The following SLC24A2 variants were observed in gnomAD, a reference collection of about 807,000 sequenced individuals.
SLC24A2 encodes the protein sodium/potassium/calcium exchanger 2.
A neutral mutation model predicts 62.0 loss-of-function variants in SLC24A2; 36 were observed. The observed-to-expected ratio is 0.58, with a 90% CI of 0.44 to 0.77. SLC24A2 has a LOEUF of 0.77. Ranked by LOEUF, SLC24A2 falls within the 30% of genes least tolerant of loss-of-function variation. The pLI is 0.00. For missense variants in SLC24A2, 846 were observed against 817.9 expected (o/e 1.03, Z -0.42); for synonymous variants, 358 against 294.0 (o/e 1.22, Z -2.23).
At chr9:20,096,085 AT>A in the SLC24A2 span, among the ~76,000 whole-genome samples, 2 of 140,484 alleles carry the variant, frequency 1.4e-5, no homozygotes, top group Middle Eastern at 3.6e-3. Flanking sequence ...CCATCCATCC[AT>A]CCGTCCGTCC....
At chr9:20,260,353 T>C in the SLC24A2 span, among the ~76,000 whole-genome samples, 4 of 152,336 alleles carry the variant, frequency 2.6e-5, no homozygotes, top group East Asian at 7.7e-4. Flanking sequence ...TCAGGTATTC[T>C]GATACAGCAG....
At chr9:19,550,991 C>T (rs183221152) in intron 7 of SLC24A2, among the ~76,000 whole-genome samples, 92 of 152,244 alleles carry the variant, frequency 6.0e-4, no homozygotes, top group South Asian at 1.7e-3. Flanking sequence ...ATTCCAAGCC[C>T]TCTCTTCTAG....
Position 19,514,570 on chromosome 9 carries a change from G to A in SLC24A2, c.*1583C>T, listed in dbSNP as rs1033116486. On this transcript the variant is annotated 3_prime_UTR_variant, in exon 11 of 11. Coordinates refer to ENST00000341998, the MANE Select transcript of SLC24A2 (RefSeq NM_020344.4). ...ATAGATCTGAGAAAACACACAAGGT[G>A]TCATACAGAACTTGGGGGCGTGGAA... The A allele has an allele frequency of 2.6e-5, 4 of 152,174 alleles. No individual in the cohort carries two copies. The highest frequency in any genetic ancestry group is 6.5e-5 in the Admixed American group (1 of 15,276). 9.4% of individuals were successfully genotyped at this position (152,174 alleles called of 1,614,324 possible).
At chr9:19,781,641 G>C (rs999287543) in intron 2 of SLC24A2, among the ~76,000 whole-genome samples, 3 of 152,190 alleles carry the variant, frequency 2.0e-5, no homozygotes, top group Non-Finnish European at 4.4e-5. Context: ...TGTATCCCTA[G>C]ATAAACACAC....
At chr9:19,671,460 T>A (rs1249321547) in intron 2 of SLC24A2, among the ~76,000 whole-genome samples, 1 of 152,040 alleles carries the variant, frequency 6.6e-6, no homozygotes, top group Non-Finnish European at 1.5e-5. Flanking sequence ...GTTGGAGGAG[T>A]CTTGAGGGTT....
the SLC24A2 span, among the ~76,000 whole-genome samples, chr9:19,830,272 G>A: frequency 8.8e-4 from 133 of 150,754 alleles, 1 homozygote; most frequent in South Asian, 0.025. Context: ...TTGCCCCAAG[G>A]AAAGTAAGTT....
the SLC24A2 span, among the ~76,000 whole-genome samples, chr9:19,846,840 A>G: frequency 6.6e-6 from 1 of 152,006 alleles, no homozygotes; most frequent in Non-Finnish European, 1.5e-5. Flanking sequence ...CAGCATGAGA[A>G]ACATAGTGAG....
In SLC24A2 at chr9:19,660,102, G is replaced by A. The variant is rs570152765; in HGVS notation, c.931-37803C>T. On this transcript the variant is annotated intron_variant, in intron 2 of 10. Coordinates refer to ENST00000341998, the MANE Select transcript of SLC24A2 (RefSeq NM_020344.4). ...GCAGGTCTGAACGTTTTCCTCTGCC[G>A]CACAGGATTTCTCTGCCTGTTGTCC... 2.6e-5 allele frequency among the ~76,000 whole-genome samples: 4 copies of A among 152,262 alleles called. No individual in the cohort carries two copies. In the South Asian group the frequency reaches 6.2e-4, roughly 24 times the overall value.
chr9:20,270,227 C>A, the SLC24A2 span, among the ~76,000 whole-genome samples: 1 of 152,160 alleles, frequency 6.6e-6, no homozygotes, highest in African/African-American at 2.4e-5. Context: ...CTTCACTTTC[C>A]CAACACTGCC....
the SLC24A2 span, among the ~76,000 whole-genome samples, chr9:20,037,414 T>C: frequency 3.3e-5 from 5 of 152,214 alleles, no homozygotes; most frequent in Admixed American, 1.3e-4. Context: ...GCTGACTGTA[T>C]ATGACATTTG....
intron 2 of SLC24A2, among the ~76,000 whole-genome samples, chr9:19,637,816 C>T (rs961750997): frequency 6.6e-6 from 1 of 152,150 alleles, no homozygotes; most frequent in Non-Finnish European, 1.5e-5. Context: ...ATGCCATTTC[C>T]CATCACACTT....
the SLC24A2 span, among the ~76,000 whole-genome samples, chr9:20,019,376 C>G: frequency 6.6e-6 from 1 of 152,042 alleles, no homozygotes. Context: ...AGGAAGGGGT[C>G]CAGTTTCAGT....
chr9:20,052,392 T>C, the SLC24A2 span, among the ~76,000 whole-genome samples: 4 of 152,242 alleles, frequency 2.6e-5, no homozygotes, highest in Non-Finnish European at 5.9e-5. Flanking sequence ...TGGCTGTAAC[T>C]GAACCAGTGT....
the SLC24A2 span, among the ~76,000 whole-genome samples, chr9:20,158,031 T>C: frequency 6.6e-6 from 1 of 151,614 alleles, no homozygotes; most frequent in Non-Finnish European, 1.5e-5. Context: ...AAGAAAACCA[T>C]AACTAAACTC....
chr9:20,200,291 G>A, the SLC24A2 span, among the ~76,000 whole-genome samples: 1 of 152,192 alleles, frequency 6.6e-6, no homozygotes, highest in Non-Finnish European at 1.5e-5. Flanking sequence ...TTCATGTGGA[G>A]ATATTGGGAG....
the SLC24A2 span, among the ~76,000 whole-genome samples, chr9:20,268,176 G>A: frequency 1.3e-5 from 2 of 152,170 alleles, no homozygotes; most frequent in Admixed American, 6.5e-5. Context: ...TCCCTCTCAC[G>A]CTCAGGTGTG....
chr9:20,079,811 C>G, the SLC24A2 span, among the ~76,000 whole-genome samples: 1 of 152,128 alleles, frequency 6.6e-6, no homozygotes, highest in African/African-American at 2.4e-5. Context: ...AGTTGCCTAT[C>G]AGCTTAAGGA....
At chr9:20,164,452 T>C in the SLC24A2 span, among the ~76,000 whole-genome samples, 9 of 152,020 alleles carry the variant, frequency 5.9e-5, 1 homozygote, top group South Asian at 4.2e-4. Flanking sequence ...TCACACCAGT[T>C]AGAATGGCGA....
the SLC24A2 span, among the ~76,000 whole-genome samples, chr9:20,015,209 A>C: frequency 6.6e-6 from 1 of 152,172 alleles, no homozygotes; most frequent in Non-Finnish European, 1.5e-5. Flanking sequence ...TGCTGGGCCT[A>C]ACCTCAGCAG....
Sources: allele counts gnomAD v4.1 joint callset (sites outside exome capture counted in the v4.1 genomes callset), GRCh38; gene constraint gnomAD v4.1.1; transcripts MANE v1.5; gene names NCBI Gene and HGNC (gene_info 2026-07-23, HGNC 2026-07-21).